The following CCNJL variants were observed in gnomAD, a reference collection of about 807,000 sequenced individuals.
CCNJL encodes the protein cyclin J like.
Under a neutral mutation model 33.4 loss-of-function variants are expected in CCNJL, and 33 were observed. That is an observed-to-expected ratio of 0.99 (90% CI 0.75 to 1.32). The LOEUF is 1.32. Ranked by LOEUF, CCNJL falls within the 40% of genes most tolerant of loss-of-function variation. The pLI is 0.00. For synonymous variants in CCNJL, 227 were observed against 220.9 expected (o/e 1.03, Z -0.24); for missense variants, 512 against 499.7 (o/e 1.02, Z -0.23).
chr5:160,314,108 G>A (rs1763348560), upstream of CCNJL, among the ~76,000 whole-genome samples: 1 of 152,222 alleles, frequency 6.6e-6, no homozygotes, highest in South Asian at 2.1e-4. Context: ...GGCGGAGGTT[G>A]CAGTGAGCCG....
intron 2 of CCNJL, among the ~76,000 whole-genome samples, chr5:160,306,048 C>T (rs901372373): frequency 2.6e-5 from 4 of 152,074 alleles, no homozygotes; most frequent in African/African-American, 4.8e-5. Flanking sequence ...CCAAGGCGGG[C>T]GGATCACCTG....
At chr5:160,305,448 C>CACT (rs1354387683) in intron 2 of CCNJL, among the ~76,000 whole-genome samples, 1 of 152,176 alleles carries the variant, frequency 6.6e-6, no homozygotes, top group African/African-American at 2.4e-5. Flanking sequence ...CAGGCATGGC[C>CACT]ACTCACCAGG....
intron 1 of CCNJL, among the ~76,000 whole-genome samples, chr5:160,329,183 A>G (rs1281794881): frequency 1.3e-5 from 2 of 152,132 alleles, no homozygotes; most frequent in Non-Finnish European, 2.9e-5. Context: ...CTGAGCCCCT[A>G]TACTAGGCCC....
At chr5:160,331,226 T>C (rs537635983) in intron 1 of CCNJL, among the ~76,000 whole-genome samples, 98 of 148,710 alleles carry the variant, frequency 6.6e-4, no homozygotes, top group African/African-American at 1.8e-3. Context: ...TTCTTTCTTT[T>C]TTTTTTTTTT....
intron 3 of CCNJL, among the ~76,000 whole-genome samples, chr5:160,271,395 C>T (rs1366037803): frequency 5.3e-5 from 8 of 152,100 alleles, no homozygotes; most frequent in Non-Finnish European, 1.0e-4. Flanking sequence ...ATGCAGAGCC[C>T]GGAAAGTTAG....
intron 2 of CCNJL, among the ~76,000 whole-genome samples, chr5:160,288,649 T>A (rs1257657199): frequency 6.6e-6 from 1 of 151,748 alleles, no homozygotes; most frequent in African/African-American, 2.4e-5. Flanking sequence ...GGCGGGCGGA[T>A]CACGAGGTCA....
chr5:160,304,141 G>A (rs1379424756), intron 2 of CCNJL, among the ~76,000 whole-genome samples: 1 of 152,172 alleles, frequency 6.6e-6, no homozygotes, highest in East Asian at 1.9e-4. Flanking sequence ...CCACAGATAA[G>A]GTGCACTGAG....
chr5:160,280,274 A>G (rs1465147885), intron 3 of CCNJL, among the ~76,000 whole-genome samples: 1 of 152,196 alleles, frequency 6.6e-6, no homozygotes, highest in Non-Finnish European at 1.5e-5. Context: ...GGGTATACTA[A>G]GAGTATCTGC....
In CCNJL at chr5:160,255,543, A is replaced by G; in HGVS notation, c.743+6T>C. The G allele has an allele frequency of 6.2e-7, 1 of 1,613,884 alleles. No homozygotes were observed. The highest frequency in any genetic ancestry group is 8.5e-7 in the Non-Finnish European group (1 of 1,179,814). ...CAGAAACACAGGATTCAGGGGAGAA[A>G]CTTACACCAGCAGGATTTCAATACA... is the stretch of plus-strand genomic sequence containing the variant. On this transcript the variant is annotated splice_donor_region_variant and intron_variant, in intron 5 of 5. Coordinates refer to ENST00000257536, the MANE Select transcript of CCNJL (RefSeq NM_001308173.3).
At chr5:160,326,767 T>C in intron 1 of CCNJL, 1 of 869,574 alleles carries the variant, frequency 1.1e-6, no homozygotes, top group South Asian at 1.3e-5. Context: ...TCAGATAAAC[T>C]TACAAAATAG....
At chr5:160,262,416 C>A (rs141876696) in intron 3 of CCNJL, among the ~76,000 whole-genome samples, 2 of 152,366 alleles carry the variant, frequency 1.3e-5, no homozygotes, top group Non-Finnish European at 2.9e-5. Context: ...TTCCTGGGAA[C>A]GCACACGGCA....
At chr5:160,298,065 C>T (rs568933379) in intron 2 of CCNJL, among the ~76,000 whole-genome samples, 94 of 152,288 alleles carry the variant, frequency 6.2e-4, no homozygotes, top group Non-Finnish European at 1.2e-3. Context: ...CAGGCGGGGA[C>T]AGCAGATCCG....
chr5:160,277,072 T>A (rs900037659), intron 3 of CCNJL, among the ~76,000 whole-genome samples: 1 of 152,008 alleles, frequency 6.6e-6, no homozygotes, highest in Non-Finnish European at 1.5e-5. Context: ...GGATTACAGG[T>A]GTGAGCCACC....
intron 3 of CCNJL, among the ~76,000 whole-genome samples, chr5:160,267,927 GC>G (rs1648484647): frequency 6.6e-6 from 1 of 152,070 alleles, no homozygotes; most frequent in South Asian, 2.1e-4. Flanking sequence ...TAATTCCAGA[GC>G]CTTTCCACTA....
intron 5 of CCNJL, chr5:160,254,811 C>T (rs910981019): frequency 6.5e-6 from 1 of 154,006 alleles, no homozygotes; most frequent in Admixed American, 6.5e-5. Flanking sequence ...CATTTCCTCC[C>T]CAAGATTCCC....
chr5:160,286,388 A>C (rs1230690470), intron 2 of CCNJL, among the ~76,000 whole-genome samples: 4 of 152,226 alleles, frequency 2.6e-5, no homozygotes, highest in Admixed American at 2.6e-4. Flanking sequence ...ATGTAATCCA[A>C]GCACTGTGGG....
upstream of CCNJL, among the ~76,000 whole-genome samples, chr5:160,314,549 T>G (rs563174902): frequency 3.3e-5 from 5 of 152,304 alleles, no homozygotes; most frequent in Non-Finnish European, 2.9e-5. Context: ...GCCTAGATAC[T>G]AAGACATGGG....
Position 160,337,631 on chromosome 5 carries a change from G to A in CCNJL, n.206+1814C>T, listed in dbSNP as rs1489747317. On this transcript the variant is annotated intron_variant and non_coding_transcript_variant, in intron 1 of 7. Transcript: ENST00000377503. Reference sequence around the variant, plus strand: ...TTAGGGACGTTGCATTGAGAATGTCGGGGGTTGGGAAGGAGCTGGTAGAGC... The same window carrying A: ...TTAGGGACGTTGCATTGAGAATGTCAGGGGTTGGGAAGGAGCTGGTAGAGC... 2.6e-5 allele frequency among the ~76,000 whole-genome samples: 4 copies of A among 152,196 alleles called. No homozygotes were observed. The East Asian group carries it at 5.8e-4, about 22-fold the overall frequency.
Position 160,251,671 on chromosome 5 carries a change from G to A in CCNJL, c.*1707C>T, listed in dbSNP as rs1312600206. 1 of 152,288 alleles carries A rather than the reference G, an allele frequency of 6.6e-6. No homozygotes were observed. The highest frequency in any genetic ancestry group is 2.4e-5 in the African/African-American group (1 of 41,458). The allele number at this position is 152,288 out of a possible 1,614,324, so 9.4% of individuals were successfully genotyped here. A position where few individuals can be genotyped will look rare whatever the true frequency, so the allele number is the denominator to read the frequency against. On this transcript the variant is annotated 3_prime_UTR_variant, in exon 6 of 6. Coordinates refer to ENST00000257536, the MANE Select transcript of CCNJL (RefSeq NM_001308173.3). ...AAGAGGTGAGAGATCAAGAGCAGGT[G>A]ACGTGTTTATTGTGGGACGCCTCTT...
Sources: gnomAD v4.1 joint callset for allele counts (sites outside exome capture counted in the v4.1 genomes callset) on GRCh38, gnomAD v4.1.1 for gene constraint, MANE v1.5 for transcripts, NCBI Gene and HGNC (gene_info 2026-07-23, HGNC 2026-07-21) for gene names.